Variants in DCC observed in about 807,000 individuals in gnomAD.
DCC encodes DCC netrin 1 receptor.
Under a neutral mutation model 172.5 loss-of-function variants are expected in DCC, and 58 were observed. That is an observed-to-expected ratio of 0.34 (90% confidence interval 0.27 to 0.42). The LOEUF is 0.42. Among genes scored for constraint, DCC ranks in the 10% least tolerant of loss-of-function variants. DCC has a pLI of 1.00. For missense variants in DCC, 1,740 were observed against 1,791.0 expected (o/e 0.97, Z 0.51); for synonymous variants, 709 against 644.5 (o/e 1.10, Z -1.52).
At chr18:52,696,653 G>C (rs2036016331) in intron 1 of DCC, among the ~76,000 whole-genome samples, 1 of 152,208 alleles carries the variant, frequency 6.6e-6, no homozygotes, top group Non-Finnish European at 1.5e-5. Flanking sequence ...TGTTCTAAGA[G>C]GGTGAAGTAG....
chr18:53,527,099 G>A lies in DCC; in HGVS notation c.4254+340G>A, dbSNP rs956518854. On this transcript the variant is annotated intron_variant, in intron 28 of 28. Transcript: ENST00000442544. ...GATATACACATGGATACGTGTGTGT[G>A]TGTGTGTGTGTGTGTGTGTGTGTGT... is the stretch of plus-strand genomic sequence containing the variant. 6.0e-5 allele frequency among the ~76,000 whole-genome samples: 5 copies of A among 84,024 alleles called. 1 individual carries two copies. In the Admixed American group the frequency reaches 6.6e-4, roughly 11 times the overall value. 55.1% of individuals were successfully genotyped at this position (84,024 alleles called of 152,430 possible).
chr18:52,413,925 A>C (rs1166841848), intron 1 of DCC, among the ~76,000 whole-genome samples: 1 of 152,142 alleles, frequency 6.6e-6, no homozygotes, highest in Non-Finnish European at 1.5e-5. Flanking sequence ...ATGCTCTGCA[A>C]ATAGAATGAT....
chr18:53,427,672 G>C lies in DCC; in HGVS notation c.3164-7472G>C, dbSNP rs1444483432. Among the ~76,000 whole-genome samples the C allele has an allele frequency of 3.3e-5, 5 of 150,508 alleles. No homozygotes were observed. The East Asian group carries it at 9.7e-4, about 29-fold the overall frequency. ...TACTTTCCTGTTAACAAAAGATCTT[G>C]ATCTGTCCAGCTCCTTTGGTTCCCT... On this transcript the variant is annotated intron_variant, in intron 21 of 28. Transcript: ENST00000442544.
chr18:52,657,577 T>A (rs1271076845), intron 1 of DCC, among the ~76,000 whole-genome samples: 1 of 152,164 alleles, frequency 6.6e-6, no homozygotes, highest in African/African-American at 2.4e-5. Context: ...AGTCTGCCTG[T>A]CTGCTTCAAA....
intron 5 of DCC, among the ~76,000 whole-genome samples, chr18:52,959,618 T>G (rs1410391961): frequency 6.6e-6 from 1 of 152,038 alleles, no homozygotes; most frequent in Non-Finnish European, 1.5e-5. Context: ...TATTTAAATT[T>G]TAAGTATTGA....
chr18:52,706,581 A>G (rs1390542815), intron 1 of DCC, among the ~76,000 whole-genome samples: 2 of 152,178 alleles, frequency 1.3e-5, no homozygotes, highest in African/African-American at 4.8e-5. Context: ...CTCAAAGCAG[A>G]GCATTTGTTA....
chr18:53,357,811 G>T (rs940361408), intron 15 of DCC, among the ~76,000 whole-genome samples: 7 of 152,144 alleles, frequency 4.6e-5, no homozygotes, highest in Non-Finnish European at 4.4e-5. Context: ...ACGGACTTCA[G>T]CTGCATTTCA....
intron 26 of DCC, among the ~76,000 whole-genome samples, chr18:53,491,189 T>G (rs1302439848): frequency 1.3e-5 from 2 of 152,150 alleles, no homozygotes; most frequent in African/African-American, 4.8e-5. Context: ...ACAATTTTTG[T>G]TTTTGGAGAT....
chr18:53,137,264 AG>A (rs1473610748), intron 7 of DCC, among the ~76,000 whole-genome samples: 1 of 152,206 alleles, frequency 6.6e-6, no homozygotes, highest in East Asian at 1.9e-4. Context: ...GTCTCATCAG[AG>A]GCTTGACTGG....
At chr18:52,809,006 C>T (rs1234271216) in intron 2 of DCC, among the ~76,000 whole-genome samples, 1 of 152,128 alleles carries the variant, frequency 6.6e-6, no homozygotes, top group Non-Finnish European at 1.5e-5. Flanking sequence ...AAGCGTATGC[C>T]TGGGTAATCC....
intron 5 of DCC, among the ~76,000 whole-genome samples, chr18:53,038,558 CTCTTA>C (rs1453386968): frequency 6.6e-6 from 1 of 152,030 alleles, no homozygotes; most frequent in Non-Finnish European, 1.5e-5. Context: ...AACTTTCTCT[CTCTTA>C]TCCTCAAAAT....
At chr18:52,672,436 TAGAGAG>T (rs138354521) in intron 1 of DCC, among the ~76,000 whole-genome samples, 4 of 149,744 alleles carry the variant, frequency 2.7e-5, no homozygotes, top group Non-Finnish European at 6.0e-5. Context: ...TGGAAATGGG[TAGAGAG>T]AGAGAGAGAG....
intron 5 of DCC, among the ~76,000 whole-genome samples, chr18:53,025,556 T>A (rs923699189): frequency 6.6e-6 from 1 of 152,136 alleles, no homozygotes; most frequent in Non-Finnish European, 1.5e-5. Flanking sequence ...AACAGTAGTT[T>A]AATGCCAATC....
intron 1 of DCC, among the ~76,000 whole-genome samples, chr18:52,403,746 T>A (rs1477866865): frequency 1.3e-5 from 2 of 152,008 alleles, no homozygotes; most frequent in Non-Finnish European, 2.9e-5. Context: ...AACCCTTCCC[T>A]AAATAATGCA....
intron 1 of DCC, among the ~76,000 whole-genome samples, chr18:52,472,907 A>C (rs1470617052): frequency 6.6e-6 from 1 of 152,170 alleles, no homozygotes; most frequent in East Asian, 1.9e-4. Context: ...ACCCTGCCTC[A>C]AAAATAAATA....
chr18:52,730,778 G>T (rs2145093518), intron 1 of DCC, among the ~76,000 whole-genome samples: 1 of 152,246 alleles, frequency 6.6e-6, no homozygotes, highest in East Asian at 1.9e-4. Flanking sequence ...CTCACAGAGG[G>T]GCTATGTATG....
intron 1 of DCC, among the ~76,000 whole-genome samples, chr18:52,747,858 T>G (rs1177594632): frequency 6.6e-6 from 1 of 152,216 alleles, no homozygotes; most frequent in Non-Finnish European, 1.5e-5. Flanking sequence ...TTCTTAGTCC[T>G]GTGTGCAATA....
intron 7 of DCC, among the ~76,000 whole-genome samples, chr18:53,090,690 T>A: frequency 4.6e-5 from 1 of 21,896 alleles, no homozygotes; most frequent in Non-Finnish European, 1.2e-4. Context: ...CGAAACTCCG[T>A]CCCCCAACAA....
intron 12 of DCC, among the ~76,000 whole-genome samples, chr18:53,257,326 T>A (rs987409400): frequency 2.0e-5 from 3 of 152,218 alleles, no homozygotes; most frequent in Non-Finnish European, 4.4e-5. Flanking sequence ...TTTTGCCCAT[T>A]CAGTATGATA....
Sources: allele counts gnomAD v4.1 joint callset (sites outside exome capture counted in the v4.1 genomes callset), GRCh38; gene constraint gnomAD v4.1.1; transcripts MANE v1.5; gene names NCBI Gene and HGNC (gene_info 2026-07-23, HGNC 2026-07-21).